EYA4: variants seen among roughly 807,000 people sequenced by gnomAD.
EYA4 encodes protein phosphatase EYA4.
A neutral mutation model predicts 87.9 loss-of-function variants in EYA4; 31 were observed. That is an observed-to-expected ratio of 0.35 (90% CI 0.27 to 0.48). The LOEUF is 0.48. Among genes scored for constraint, EYA4 ranks in the 20% least tolerant of loss-of-function variants. The pLI is 0.99. For synonymous variants in EYA4, 263 were observed against 270.6 expected, an observed-to-expected ratio of 0.97 and a Z score of 0.28; for missense variants, 678 against 761.4, an observed-to-expected ratio of 0.89 and a Z score of 1.29.
rs568211028 is a variant in EYA4 at position 133,482,804 on chromosome 6, A to G, written c.1108-228A>G. On this transcript the variant is annotated intron_variant, in intron 12 of 19. Transcript: ENST00000355286. ...TACGAGTAAATGTATGGATTAATTTATTCAAGCGAGGACATCTGACTCTTA... is the reference window on the plus strand; with the variant it reads ...TACGAGTAAATGTATGGATTAATTTGTTCAAGCGAGGACATCTGACTCTTA... Among the ~76,000 whole-genome samples the G allele has an allele frequency of 7.2e-5, 11 of 152,326 alleles. No individual in the cohort carries two copies. The South Asian group carries it at 2.3e-3, about 32-fold the overall frequency.
chr6:133,415,764 A>G (rs1789659777), intron 3 of EYA4, among the ~76,000 whole-genome samples: 1 of 152,176 alleles, frequency 6.6e-6, no homozygotes, highest in Non-Finnish European at 1.5e-5. Flanking sequence ...GGTGCTCTGT[A>G]AATATTTGTT....
chr6:133,275,318 G>A (rs1327279495), intron 2 of EYA4, among the ~76,000 whole-genome samples: 1 of 152,098 alleles, frequency 6.6e-6, no homozygotes, highest in Non-Finnish European at 1.5e-5. Context: ...GATTTCCCAA[G>A]GGAAAGGCTC....
At chr6:133,360,162 T>C (rs1211456432) in intron 2 of EYA4, 1 of 152,262 alleles carries the variant, frequency 6.6e-6, no homozygotes, top group Non-Finnish European at 1.5e-5. Context: ...AAATGGTTTC[T>C]TCTACATTAA....
At chr6:133,333,648 G>T (rs1453493358) in intron 2 of EYA4, among the ~76,000 whole-genome samples, 1 of 152,036 alleles carries the variant, frequency 6.6e-6, no homozygotes, top group African/African-American at 2.4e-5. Context: ...TGAGACAACT[G>T]GTTCAATATT....
chr6:133,358,849 A>C (rs1023947030), intron 2 of EYA4, among the ~76,000 whole-genome samples: 1 of 152,208 alleles, frequency 6.6e-6, no homozygotes, highest in Admixed American at 6.5e-5. Flanking sequence ...GAAAAACAAG[A>C]GGGCACTATG....
chr6:133,300,056 T>A (rs1462616486), intron 2 of EYA4, among the ~76,000 whole-genome samples: 2 of 151,944 alleles, frequency 1.3e-5, no homozygotes, highest in African/African-American at 4.8e-5. Flanking sequence ...GTTAACACAT[T>A]TTTTGGTGTT....
At chr6:133,473,748 C>T (rs936726372) in intron 11 of EYA4, among the ~76,000 whole-genome samples, 4 of 151,862 alleles carry the variant, frequency 2.6e-5, no homozygotes, top group Admixed American at 6.6e-5. Context: ...TTTCAGCTAG[C>T]CTTAGCCTCC....
intron 13 of EYA4, among the ~76,000 whole-genome samples, chr6:133,503,857 G>A (rs1798353526): frequency 6.6e-6 from 1 of 151,996 alleles, no homozygotes; most frequent in South Asian, 2.1e-4. Flanking sequence ...ATACTTGAAG[G>A]AAACAGAGCA....
At chr6:133,400,558 G>A (rs1401508077) in intron 3 of EYA4, among the ~76,000 whole-genome samples, 1 of 151,624 alleles carries the variant, frequency 6.6e-6, no homozygotes, top group Non-Finnish European at 1.5e-5. Flanking sequence ...AAGCCGCTTT[G>A]CATAAATAAT....
chr6:133,517,253 C>G (rs903972978), intron 17 of EYA4, among the ~76,000 whole-genome samples: 1 of 151,778 alleles, frequency 6.6e-6, no homozygotes, highest in African/African-American at 2.4e-5. Context: ...GGGAGAGGAT[C>G]AGCAAAAAGA....
chr6:133,456,593 C>T lies in EYA4; in HGVS notation c.315C>T (p.Ser105=), dbSNP rs754088992. The T allele has an allele frequency of 6.2e-7, 1 of 1,613,546 alleles. No individual in the cohort carries two copies. Among genetic ancestry groups the T allele is most frequent in the Non-Finnish European group, 8.5e-7 (1 of 1,179,530 alleles). ...LLAVKTEPLN[S]SETTATTGDG... is the part of the protein sequence containing the mutation. ...CAGTCAAAACAGAGCCCTTGAACAG[C>T]AGTGAAACCACAGCCACGACTGGAG... The change falls in exon 6 of 20, where the codon AGC becomes AGT. Residue 105 remains serine (S), a synonymous_variant. Transcript: ENST00000355286.
intron 3 of EYA4, among the ~76,000 whole-genome samples, chr6:133,396,070 C>T (rs2128504909): frequency 6.6e-6 from 1 of 152,292 alleles, no homozygotes; most frequent in South Asian, 2.1e-4. Context: ...TTACCATGGG[C>T]ATTGCACTTT....
intron 5 of EYA4, among the ~76,000 whole-genome samples, chr6:133,455,036 A>G (rs897007932): frequency 2.6e-5 from 4 of 152,150 alleles, no homozygotes; most frequent in African/African-American, 9.7e-5. Flanking sequence ...TAAAATGGTT[A>G]TAGTGATTTG....
At chr6:133,270,181 C>T (rs1776570300) in intron 1 of EYA4, among the ~76,000 whole-genome samples, 1 of 152,168 alleles carries the variant, frequency 6.6e-6, no homozygotes. Flanking sequence ...TCCTTCAATC[C>T]AATCAAGTTG....
At chr6:133,362,457 C>A (rs373093992) in intron 2 of EYA4, among the ~76,000 whole-genome samples, 2 of 151,728 alleles carry the variant, frequency 1.3e-5, no homozygotes, top group African/African-American at 4.9e-5. Context: ...CCTGTTGCCT[C>A]GCAAAACTCT....
intron 17 of EYA4, among the ~76,000 whole-genome samples, chr6:133,521,035 A>G (rs1800073813): frequency 6.6e-6 from 1 of 151,706 alleles, no homozygotes. Flanking sequence ...AGGCATTACC[A>G]TTCAGGACAT....
intron 17 of EYA4, among the ~76,000 whole-genome samples, chr6:133,520,605 T>C (rs1390121971): frequency 3.3e-5 from 4 of 121,100 alleles, no homozygotes; most frequent in African/African-American, 1.3e-4. Flanking sequence ...AAGCTACCAA[T>C]GCCTTTCTTC....
chr6:133,446,724 A>T lies in EYA4; in HGVS notation c.178A>T (p.Ser60Cys). ...CAAACTGGAAAAATCTAATCTCAGC[A>T]GCACATCAGTTACTACAAATGGGAC... Reference protein sequence around the residue: ...SSKLEKSNLSSTSVTTNGTGG... With the variant: ...SSKLEKSNLSCTSVTTNGTGG... The change falls in exon 4 of 20, where the codon AGC becomes TGC. Residue 60 changes from serine (S) to cysteine (C), a missense_variant. Physicochemically the swap from Ser to Cys is moderately radical, Grantham distance 112. Transcript: ENST00000355286. 6.2e-7 allele frequency: 1 copy of T among 1,614,094 alleles called. No individual in the cohort carries two copies.
intron 2 of EYA4, among the ~76,000 whole-genome samples, chr6:133,313,427 C>A (rs1053753537): frequency 1.3e-5 from 2 of 152,110 alleles, no homozygotes; most frequent in Non-Finnish European, 2.9e-5. Flanking sequence ...ACATTTATTG[C>A]CTTTATTTTG....
Sources: allele counts gnomAD v4.1 joint callset (sites outside exome capture counted in the v4.1 genomes callset), GRCh38; gene constraint gnomAD v4.1.1; transcripts MANE v1.5; gene names NCBI Gene and HGNC (gene_info 2026-07-23, HGNC 2026-07-21).